ZNF331: variants seen among roughly 807,000 people sequenced by gnomAD.
ZNF331 encodes the protein zinc finger protein 331.
ZNF331 carries 2 observed loss-of-function variants against 7.0 expected under a neutral mutation model. The ratio of observed to expected loss-of-function variants is 0.29; its 90% CI spans 0.12 to 0.90. ZNF331 has a LOEUF of 0.90. ZNF331 is among the 40% of genes least tolerant of loss of function. The pLI is 0.58. For missense variants in ZNF331, 432 were observed against 587.7 expected (o/e 0.74, Z 2.74); for synonymous variants, 196 against 205.4 (o/e 0.95, Z 0.39).
At chr19:53,532,022 TACA>T (rs914949720) in intron 2 of ZNF331, among the ~76,000 whole-genome samples, 5 of 152,340 alleles carry the variant, frequency 3.3e-5, no homozygotes, top group South Asian at 2.1e-4. Flanking sequence ...GCTTATTATG[TACA>T]ACATTATGTT....
intron 2 of ZNF331, among the ~76,000 whole-genome samples, chr19:53,547,640 A>G (rs2088701632): frequency 6.6e-6 from 1 of 152,180 alleles, no homozygotes; most frequent in South Asian, 2.1e-4. Flanking sequence ...TCTAACCAAC[A>G]GTGTATAAGG....
chr19:53,505,103 C>G, the ZNF331 span, among the ~76,000 whole-genome samples: 2 of 152,120 alleles, frequency 1.3e-5, no homozygotes, highest in Non-Finnish European at 2.9e-5. Context: ...AACAGGCTGT[C>G]ATAAACTGTA....
At chr19:53,509,747 T>C in the ZNF331 span, among the ~76,000 whole-genome samples, 1 of 152,276 alleles carries the variant, frequency 6.6e-6, no homozygotes, top group South Asian at 2.1e-4. Flanking sequence ...ATGTGGAAGA[T>C]GAAACTCTGG....
chr19:53,534,833 C>T (rs2087679517), upstream of ZNF331, among the ~76,000 whole-genome samples: 1 of 152,080 alleles, frequency 6.6e-6, no homozygotes, highest in African/African-American at 2.4e-5. Context: ...AACATATTCC[C>T]AGGTTCCAGA....
chr19:53,572,902 A>G (rs1184238549), intron 5 of ZNF331, among the ~76,000 whole-genome samples: 1 of 152,054 alleles, frequency 6.6e-6, no homozygotes, highest in Non-Finnish European at 1.5e-5. Context: ...CTCCAGGCAT[A>G]ATGCCTACAG....
At chr19:53,565,718 G>A (rs549456192) in intron 3 of ZNF331, among the ~76,000 whole-genome samples, 3 of 151,840 alleles carry the variant, frequency 2.0e-5, no homozygotes, top group East Asian at 1.9e-4. Context: ...TAGTAGGGAC[G>A]GGGTTTCACC....
rs1229037257 is a variant in ZNF331 at position 53,560,135 on chromosome 19, A to G, written c.-74+4227A>G. On this transcript the variant is annotated intron_variant, in intron 3 of 5. Coordinates refer to ENST00000449416, the MANE Select transcript of ZNF331 (RefSeq NM_001079906.2). The surrounding 1 kb of genome is among the most constrained non-coding windows in gnomAD (Gnocchi z 4.3). Reference sequence around the variant, plus strand: ...ACACACACATATATACACACACCATATATATACACACATATATACACATCC... The same window carrying G: ...ACACACACATATATACACACACCATGTATATACACACATATATACACATCC... 1.6e-5 allele frequency among the ~76,000 whole-genome samples: 2 copies of G among 121,362 alleles called. No individual in the cohort carries two copies. Among genetic ancestry groups the G allele is most frequent in the African/African-American group, 8.2e-5 (2 of 24,346 alleles). The allele number at this position is 121,362 out of a possible 152,430, so 79.6% of individuals were successfully genotyped here.
intron 3 of ZNF331, among the ~76,000 whole-genome samples, chr19:53,566,683 T>G (rs1234471923): frequency 6.6e-6 from 1 of 152,170 alleles, no homozygotes; most frequent in Non-Finnish European, 1.5e-5. Flanking sequence ...CGAGCCACTC[T>G]TACACGTGAA....
At position 53,571,566 on chromosome 19, in the gene ZNF331, C is replaced by T; in HGVS notation, c.10-38C>T. 1 of 1,571,808 alleles carries T rather than the reference C, an allele frequency of 6.4e-7. No individual in the cohort carries two copies. The highest frequency in any genetic ancestry group is 8.7e-7 in the Non-Finnish European group (1 of 1,145,756). Reference sequence around the variant, plus strand: ...GTCTCCTTCATCTGGAAGCTGTTTCCTTTCATTTCATCATGCACGTGTGGG... The same window carrying T: ...GTCTCCTTCATCTGGAAGCTGTTTCTTTTCATTTCATCATGCACGTGTGGG... On this transcript the variant is annotated intron_variant, in intron 4 of 5. Coordinates refer to ENST00000449416, the MANE Select transcript of ZNF331 (RefSeq NM_001079906.2). This position sits in a 1 kb window ranked among gnomAD's most constrained non-coding sequence, Gnocchi z 4.7.
chr19:53,573,673 T>C lies in ZNF331; in HGVS notation c.136+1943T>C, dbSNP rs112583856. On this transcript the variant is annotated intron_variant, in intron 5 of 5. Transcript: ENST00000449416. This position sits in a 1 kb window ranked among gnomAD's most constrained non-coding sequence, Gnocchi z 4.2. The stretch of plus-strand genomic sequence containing the variant: ...TCTTAGAGATGGGATTTCGCCATGT[T>C]GTCCAAGCTGATCTTGAACTCCTGG... Among the ~76,000 whole-genome samples, 48 of 152,200 alleles carry C rather than the reference T, an allele frequency of 3.2e-4. No homozygotes were observed. Among genetic ancestry groups the C allele is most frequent in the African/African-American group, 1.1e-3 (46 of 41,544 alleles).
At chr19:53,563,027 T>TA (rs1339773867) in intron 3 of ZNF331, among the ~76,000 whole-genome samples, 2 of 152,010 alleles carry the variant, frequency 1.3e-5, no homozygotes, top group African/African-American at 4.8e-5. Context: ...ACCCTCTTGC[T>TA]AATGTTTGCA....
At chr19:53,576,117 T>TG (rs2090711665) in intron 5 of ZNF331, among the ~76,000 whole-genome samples, 1 of 152,180 alleles carries the variant, frequency 6.6e-6, no homozygotes, top group Non-Finnish European at 1.5e-5. Context: ...CCCGAGTAGC[T>TG]GGGATTACAG....
In ZNF331 at chr19:53,540,996, G is replaced by T. The variant is rs189376575; in HGVS notation, c.-138+1714G>T. On this transcript the variant is annotated intron_variant, in intron 2 of 5. Coordinates refer to ENST00000449416, the MANE Select transcript of ZNF331 (RefSeq NM_001079906.2). Reference sequence around the variant, plus strand: ...GTCAGCCCATTAGCAATTTTAGTCCGCCTGCAACCTTAATTCCCCTTTGCC... The same window carrying T: ...GTCAGCCCATTAGCAATTTTAGTCCTCCTGCAACCTTAATTCCCCTTTGCC... Among the ~76,000 whole-genome samples the T allele has an allele frequency of 7.9e-5, 12 of 152,136 alleles. No individual in the cohort carries two copies. In the South Asian group the frequency reaches 2.5e-3, roughly 32 times the overall value.
intron 3 of ZNF331, among the ~76,000 whole-genome samples, chr19:53,568,220 G>A (rs2090256915): frequency 6.6e-6 from 1 of 151,760 alleles, no homozygotes; most frequent in Admixed American, 6.6e-5. Flanking sequence ...ACTCCAGCCT[G>A]GGCAACAGAG....
intron 2 of ZNF331, among the ~76,000 whole-genome samples, chr19:53,529,264 G>T (rs577396158): frequency 1.1e-4 from 16 of 152,216 alleles, no homozygotes; most frequent in African/African-American, 3.1e-4. Context: ...GCCGGGCGTG[G>T]TGGTAGGCGC....
chr19:53,503,419 C>T, the ZNF331 span: 136 of 558,006 alleles, frequency 2.4e-4, 2 homozygotes, highest in South Asian at 2.3e-3. Context: ...GCCATGGGAA[C>T]GATCTTCTTA....
chr19:53,519,416 C>T (rs539371501), upstream of ZNF331, among the ~76,000 whole-genome samples: 1 of 152,320 alleles, frequency 6.6e-6, no homozygotes, highest in South Asian at 2.1e-4. Context: ...GCCTAACCAC[C>T]TGACCACAAG....
Position 53,560,239 on chromosome 19 carries a change from A to G in ZNF331, c.-74+4331A>G, listed in dbSNP as rs2089795411. Among the ~76,000 whole-genome samples the G allele has an allele frequency of 6.6e-6, 1 of 151,808 alleles. No homozygotes were observed. Among genetic ancestry groups the G allele is most frequent in the Non-Finnish European group, 1.5e-5 (1 of 67,922 alleles). On this transcript the variant is annotated intron_variant, in intron 3 of 5. Coordinates refer to ENST00000449416, the MANE Select transcript of ZNF331 (RefSeq NM_001079906.2). This position sits in a 1 kb window ranked among gnomAD's most constrained non-coding sequence, Gnocchi z 4.3. ...ACACACATATATACACATCCACACC[A>G]TATATACACACACCATGCACCCACA...
chr19:53,528,011 A>G (rs2087372328), intron 2 of ZNF331, among the ~76,000 whole-genome samples: 1 of 152,244 alleles, frequency 6.6e-6, no homozygotes, highest in African/African-American at 2.4e-5. Flanking sequence ...TGAAATCCAA[A>G]TATATGAAAT....
Sources: allele counts gnomAD v4.1 joint callset (sites outside exome capture counted in the v4.1 genomes callset), GRCh38; gene constraint gnomAD v4.1.1; non-coding constraint Gnocchi (gnomAD v3.1); transcripts MANE v1.5; gene names NCBI Gene and HGNC (gene_info 2026-07-23, HGNC 2026-07-21).